The following MALT1 variants were observed in gnomAD, a reference collection of about 807,000 sequenced individuals.
MALT1 encodes MALT1 paracaspase, also known as mucosa-associated lymphoid tissue lymphoma translocation protein 1.
Under a neutral mutation model 85.5 loss-of-function variants are expected in MALT1, and 36 were observed. That is an observed-to-expected ratio of 0.42 (90% CI 0.32 to 0.56). The LOEUF (loss-of-function observed/expected upper bound fraction) is 0.56, where lower values mean the gene tolerates loss of function less well. MALT1 is among the 20% of genes least tolerant of loss of function. The probability of loss-of-function intolerance (pLI) is 0.10; values close to 1 mark genes in which losing one functional copy is unlikely to be tolerated. For synonymous variants in MALT1, 359 were observed against 361.3 expected (o/e 0.99, Z 0.07); for missense variants, 716 against 981.6 (o/e 0.73, Z 3.62).
At chr18:58,746,930 G>A (rs1283367735) in intron 16 of MALT1, among the ~76,000 whole-genome samples, 2 of 152,070 alleles carry the variant, frequency 1.3e-5, no homozygotes, top group Admixed American at 6.5e-5. Context: ...GTTTCACCAC[G>A]TTGGCCAGAC....
At chr18:58,681,397 A>G in intron 2 of MALT1, 61 bp downstream of exon 2, 1 of 1,484,052 alleles carries the variant, frequency 6.7e-7, no homozygotes, top group Admixed American at 2.0e-5. Flanking sequence ...AGAAGAAATT[A>G]TCTCTTTTGA....
In MALT1 at chr18:58,709,327, ATTTTAT is replaced by A. The variant is rs553968034; in HGVS notation, c.650-39_650-34del. 77 of 1,286,370 alleles carry A rather than the reference ATTTTAT, an allele frequency of 6.0e-5. No individual in the cohort carries two copies. In the African/African-American group the frequency reaches 9.2e-4, roughly 15 times the overall value. 79.7% of individuals were successfully genotyped at this position (1,286,370 alleles called of 1,614,324 possible). ...GACACATCTCTTTAATTATAGGGAA[ATTTTAT>A]TTTTATTTTTAACCTAGAGATTTTA... On this transcript the variant is annotated intron_variant, in intron 4 of 16. Coordinates refer to ENST00000649217, the MANE Select transcript of MALT1 (RefSeq NM_006785.4).
At chr18:58,744,262 CTA>C in intron 14 of MALT1, 74 bp from the exon 15 acceptor site, 1 of 928,696 alleles carries the variant, frequency 1.1e-6, no homozygotes, top group Non-Finnish European at 1.6e-6. Flanking sequence ...GAAATGCTAA[CTA>C]TATTCTCCTC....
At chr18:58,716,971 A>G (rs915022203) in intron 9 of MALT1, among the ~76,000 whole-genome samples, 5 of 152,198 alleles carry the variant, frequency 3.3e-5, no homozygotes, top group African/African-American at 9.7e-5. Flanking sequence ...AAAAAGAAGG[A>G]GAGATTGGTG....
chr18:58,708,277 A>C (rs1197254009), intron 4 of MALT1, among the ~76,000 whole-genome samples: 1 of 152,212 alleles, frequency 6.6e-6, no homozygotes, highest in African/African-American at 2.4e-5. Flanking sequence ...GGAGTTGGTG[A>C]GTGAGGCAGA....
chr18:58,722,711 C>A (rs879598037), intron 9 of MALT1, among the ~76,000 whole-genome samples: 3 of 152,100 alleles, frequency 2.0e-5, no homozygotes, highest in Non-Finnish European at 4.4e-5. Context: ...CTCCAAAAGT[C>A]TAGTTGAATA....
chr18:58,673,396 A>G (rs1380046982), intron 1 of MALT1, among the ~76,000 whole-genome samples: 3 of 152,160 alleles, frequency 2.0e-5, no homozygotes, highest in Non-Finnish European at 2.9e-5. Flanking sequence ...CACAAAATAT[A>G]CTAAATGTTT....
rs534796340 is a variant in MALT1 at position 58,698,484 on chromosome 18, T to C, written c.499-1957T>C. Among the ~76,000 whole-genome samples, 60 of 152,236 alleles carry C rather than the reference T, an allele frequency of 3.9e-4. No individual in the cohort carries two copies. The South Asian group carries it at 0.012, about 30-fold the overall frequency. On this transcript the variant is annotated intron_variant, in intron 3 of 16. Coordinates refer to ENST00000649217, the MANE Select transcript of MALT1 (RefSeq NM_006785.4). ...TAGCAGTAGCGTGGAGAAGAGAAGG[T>C]GGATCACAGTGCATAATTCAGTGTA... is the stretch of plus-strand genomic sequence containing the variant.
chr18:58,706,063 G>GC (rs916156406), intron 4 of MALT1, among the ~76,000 whole-genome samples: 12 of 152,186 alleles, frequency 7.9e-5, no homozygotes, highest in Non-Finnish European at 5.9e-5. Flanking sequence ...TCGGCTCACT[G>GC]CAAGCTCTGC....
intron 13 of MALT1, among the ~76,000 whole-genome samples, chr18:58,739,808 T>TACACAC (rs36038136): frequency 2.0e-4 from 30 of 150,992 alleles, no homozygotes; most frequent in East Asian, 9.8e-4. Context: ...TGTACACACA[T>TACACAC]ACACACACAC....
chr18:58,700,704 C>T (rs2054659225), intron 4 of MALT1, 113 bp downstream of exon 4: 1 of 828,236 alleles, frequency 1.2e-6, no homozygotes, highest in Admixed American at 3.7e-5. Context: ...CAAAATTTCA[C>T]ATAGGTACTT....
intron 10 of MALT1, among the ~76,000 whole-genome samples, chr18:58,728,356 A>G (rs35911461): frequency 0.4 from 60,434 of 152,114 alleles, 14,468 homozygotes; most frequent in Non-Finnish European, 0.52. Flanking sequence ...CTATAATCCT[A>G]ACAGTGGGAA....
chr18:58,689,957 G>C (rs931354705), intron 2 of MALT1, among the ~76,000 whole-genome samples: 1 of 152,190 alleles, frequency 6.6e-6, no homozygotes, highest in African/African-American at 2.4e-5. Context: ...AGGGGCCAAA[G>C]GAGCAGTTCG....
rs1461743834 is a variant in MALT1 at position 58,748,636 on chromosome 18, T to C, written c.*794T>C. On this transcript the variant is annotated 3_prime_UTR_variant, in exon 17 of 17. Coordinates refer to ENST00000649217, the MANE Select transcript of MALT1 (RefSeq NM_006785.4). ...TAATTTTCATAGCTGCCTATCAGAATTTCCCAAATATTTAGCATCTTCCTT... is the reference window on the plus strand; with the variant it reads ...TAATTTTCATAGCTGCCTATCAGAACTTCCCAAATATTTAGCATCTTCCTT... The C allele has an allele frequency of 1.6e-5, 3 of 191,268 alleles. No individual in the cohort carries two copies. In the East Asian group the frequency reaches 2.4e-4, roughly 16 times the overall value. 11.8% of individuals were successfully genotyped at this position (191,268 alleles called of 1,614,324 possible).
intron 2 of MALT1, among the ~76,000 whole-genome samples, chr18:58,689,526 C>G (rs1290687077): frequency 6.6e-6 from 1 of 152,224 alleles, no homozygotes; most frequent in African/African-American, 2.4e-5. Context: ...TATGTGGGCA[C>G]AATTCTAGGT....
intron 12 of MALT1, 131 bp from the exon 13 acceptor site, chr18:58,735,071 C>A: frequency 4.1e-6 from 3 of 729,982 alleles, no homozygotes; most frequent in Non-Finnish European, 4.4e-6. Context: ...CCCCACCCCC[C>A]CCCAGCCTCT....
chr18:58,692,795 G>C (rs1023535653), intron 2 of MALT1, among the ~76,000 whole-genome samples: 1 of 152,188 alleles, frequency 6.6e-6, no homozygotes, highest in African/African-American at 2.4e-5. Context: ...TGCGAATGCA[G>C]AAGAAAAGTT....
rs2055468840 is a variant in MALT1 at position 58,753,115 on chromosome 18, G to A, written c.*5273G>A. Reference sequence around the variant, plus strand: ...CTCTAAAGTGCCAGCATTTTGAAAAGCATCAACCCATCAACCTTGTGCTTT... The same window carrying A: ...CTCTAAAGTGCCAGCATTTTGAAAAACATCAACCCATCAACCTTGTGCTTT... On this transcript the variant is annotated 3_prime_UTR_variant, in exon 17 of 17. Transcript: ENST00000649217. The A allele has an allele frequency of 6.6e-6, 1 of 152,162 alleles. No homozygotes were observed. Among genetic ancestry groups the A allele is most frequent in the South Asian group, 2.1e-4 (1 of 4,824 alleles). 9.4% of individuals were successfully genotyped at this position (152,162 alleles called of 1,614,324 possible).
intron 1 of MALT1, chr18:58,674,007 A>G (rs575848919): frequency 6.6e-6 from 1 of 152,236 alleles, no homozygotes; most frequent in South Asian, 2.1e-4. Flanking sequence ...TGGACTTACC[A>G]TAATGTAAAA....
Sources: gnomAD v4.1 joint callset for allele counts (sites outside exome capture counted in the v4.1 genomes callset) on GRCh38, gnomAD v4.1.1 for gene constraint, MANE v1.5 for transcripts, NCBI Gene and HGNC (gene_info 2026-07-23, HGNC 2026-07-21) for gene names.